The following ZNF84 variants were observed in gnomAD, a reference collection of about 807,000 sequenced individuals.
ZNF84 encodes zinc finger protein 84.
In ZNF84, 12 loss-of-function variants were observed where a neutral mutation model predicts 14.8. The ratio of observed to expected loss-of-function variants is 0.81; its 90% CI spans 0.52 to 1.31. The LOEUF (loss-of-function observed/expected upper bound fraction) is 1.31. ZNF84 is among the 50% of genes most tolerant of loss of function. The pLI is 0.00. For missense variants in ZNF84, 859 were observed against 878.6 expected (o/e 0.98, Z 0.28); for synonymous variants, 347 against 291.1 (o/e 1.19, Z -1.96).
intron 4 of ZNF84, among the ~76,000 whole-genome samples, chr12:133,056,695 G>C (rs1405717001): frequency 6.6e-6 from 1 of 152,044 alleles, no homozygotes; most frequent in Admixed American, 6.6e-5. Flanking sequence ...TGCTTTTCAT[G>C]TGTTTTTCAT....
chr12:133,057,224 C>G lies in ZNF84; in HGVS notation c.509C>G (p.Pro170Arg). Residue 170 changes from proline to arginine, a missense_variant, in exon 5 of 5, where the codon CCT becomes CGT. Physicochemically the swap from Pro to Arg is moderately radical, Grantham distance 103. Transcript: ENST00000539354. ...VFDNFFLHSK[P>R]EDTDTWLKYY... Reference sequence around the variant, plus strand: ...GATAATTTTTTTCTCCATTCCAAGCCTGAGGATACTGATACCTGGTTAAAA... The same window carrying G: ...GATAATTTTTTTCTCCATTCCAAGCGTGAGGATACTGATACCTGGTTAAAA... 4.3e-6 allele frequency: 7 copies of G among 1,613,636 alleles called. No homozygotes were observed. The South Asian group carries it at 7.7e-5, about 18-fold the overall frequency.
Position 133,058,710 on chromosome 12 carries a change from T to G in ZNF84, c.1995T>G (p.Ser665=). The G allele has an allele frequency of 1.2e-6, 2 of 1,613,676 alleles. No homozygotes were observed. Among genetic ancestry groups the G allele is most frequent in the Non-Finnish European group, 1.7e-6 (2 of 1,179,890 alleles). The change falls in exon 5 of 5, where the codon TCT becomes TCG. Residue 665 remains serine, a synonymous_variant. Transcript: ENST00000539354. ...GCAGTGAGTGTGGCAAAGCTTTCTC[T>G]CGGAAGTCACACCTTATACCACATC... ...FECSECGKAF[S]RKSHLIPHQR...
chr12:133,062,779 T>C lies in ZNF84; in HGVS notation c.*3847T>C, dbSNP rs1156389602. The C allele has an allele frequency of 8.8e-6, 3 of 339,324 alleles. No homozygotes were observed. The highest frequency in any genetic ancestry group is 1.1e-5 in the Non-Finnish European group (2 of 182,764). 21.0% of individuals were successfully genotyped at this position (339,324 alleles called of 1,614,324 possible). On this transcript the variant is annotated 3_prime_UTR_variant, in exon 5 of 5. Transcript: ENST00000539354. ...GGACTTTTGTATAAACCAATGCCTA[T>C]CTATCTATCATTTCTGAAAACTTTT...
chr12:133,062,516 G>T lies in ZNF84; in HGVS notation c.*3584G>T, dbSNP rs1954281736. ...TTCAGAGGTCTTATTAGTCTATACA[G>T]GTACCAATGAGCTTTCAGATGTTCA... On this transcript the variant is annotated 3_prime_UTR_variant, in exon 5 of 5. Transcript: ENST00000539354. 1 of 157,264 alleles carries T rather than the reference G, an allele frequency of 6.4e-6. No homozygotes were observed. Among genetic ancestry groups the T allele is most frequent in the Non-Finnish European group, 1.4e-5 (1 of 70,892 alleles). 9.7% of individuals were successfully genotyped at this position (157,264 alleles called of 1,614,324 possible).
At position 133,061,099 on chromosome 12, in the gene ZNF84, G is replaced by A. The variant is rs1404892397; in HGVS notation, c.*2167G>A. 3 of 152,134 alleles carry A rather than the reference G, an allele frequency of 2.0e-5. No homozygotes were observed. The highest frequency in any genetic ancestry group is 4.8e-5 in the African/African-American group (2 of 41,424). The allele number at this position is 152,134 out of a possible 1,614,324, so 9.4% of individuals were successfully genotyped here. A position where few individuals can be genotyped will look rare whatever the true frequency, so the allele number is the denominator to read the frequency against. On this transcript the variant is annotated 3_prime_UTR_variant, in exon 5 of 5. Coordinates refer to ENST00000539354, the MANE Select transcript of ZNF84 (RefSeq NM_001289971.2). ...TCTAAACCAGAATACCAGTTCAACA[G>A]CCAAATAATTCTGTCTTTCCATGCT...
At chr12:133,052,637 A>G (rs898267518) in intron 4 of ZNF84, among the ~76,000 whole-genome samples, 3 of 152,206 alleles carry the variant, frequency 2.0e-5, no homozygotes, top group South Asian at 4.1e-4. Flanking sequence ...GCCTGGCCTC[A>G]TATCTATTTT....
intron 2 of ZNF84, among the ~76,000 whole-genome samples, chr12:133,046,912 ATATAT>A (rs1379452678): frequency 1.7e-4 from 24 of 144,544 alleles, no homozygotes; most frequent in East Asian, 5.9e-4. Context: ...TATTTATATT[ATATAT>A]TATATTATTT....
At chr12:133,052,691 A>G (rs2137394633) in intron 4 of ZNF84, among the ~76,000 whole-genome samples, 1 of 152,274 alleles carries the variant, frequency 6.6e-6, no homozygotes, top group East Asian at 1.9e-4. Flanking sequence ...TACCCTTATG[A>G]CCTCATTTAA....
chr12:133,062,841 C>T lies in ZNF84; in HGVS notation c.*3909C>T. Reference sequence around the variant, plus strand: ...AATATTTTCTGGCCTCTGTGAACAACTTGTAGTTCCTTGAGATTTCTATTA... The same window carrying T: ...AATATTTTCTGGCCTCTGTGAACAATTTGTAGTTCCTTGAGATTTCTATTA... On this transcript the variant is annotated 3_prime_UTR_variant, in exon 5 of 5. Coordinates refer to ENST00000539354, the MANE Select transcript of ZNF84 (RefSeq NM_001289971.2). The T allele has an allele frequency of 6.2e-6, 3 of 487,678 alleles. No homozygotes were observed. The highest frequency in any genetic ancestry group is 6.6e-5 in the South Asian group (2 of 30,278). 30.2% of individuals were successfully genotyped at this position (487,678 alleles called of 1,614,324 possible).
chr12:133,042,948 G>T (rs756842020), intron 2 of ZNF84, among the ~76,000 whole-genome samples: 21 of 152,142 alleles, frequency 1.4e-4, no homozygotes, highest in African/African-American at 3.6e-4. Context: ...TCTTCCTCCT[G>T]ACAGAGGTAA....
In ZNF84 at chr12:133,058,057, T is replaced by A; in HGVS notation, c.1342T>A (p.Ser448Thr). 1 of 1,612,292 alleles carries A rather than the reference T, an allele frequency of 6.2e-7. No individual in the cohort carries two copies. Among genetic ancestry groups the A allele is most frequent in the Non-Finnish European group, 8.5e-7 (1 of 1,179,650 alleles). Reference protein sequence around the residue: ...KAFSQKSHLISHQMTHTGEKP... With the variant: ...KAFSQKSHLITHQMTHTGEKP... ...CTTCTCCCAGAAGTCACATCTCATA[T>A]CACATCAGATGACACACACAGGAGA... The change falls in exon 5 of 5, where the codon TCA (serine) becomes ACA (threonine). Residue 448 changes from serine to threonine, a missense_variant. Physicochemically the swap from Ser to Thr is moderately conservative, Grantham distance 58. Coordinates refer to ENST00000539354, the MANE Select transcript of ZNF84 (RefSeq NM_001289971.2).
At chr12:133,048,883 C>G (rs1593703900) in intron 4 of ZNF84, 35 bp downstream of exon 4, 1 of 1,551,866 alleles carries the variant, frequency 6.4e-7, no homozygotes, top group Non-Finnish European at 8.9e-7. Flanking sequence ...TGGGAGAGAG[C>G]AGAAGCCCCA....
rs1954265699 is a variant in ZNF84, at chr12:133,061,602, T to G, written c.*2670T>G. 1 of 152,254 alleles carries G rather than the reference T, an allele frequency of 6.6e-6. No individual in the cohort carries two copies. The highest frequency in any genetic ancestry group is 1.5e-5 in the Non-Finnish European group (1 of 68,038). The allele number at this position is 152,254 out of a possible 1,614,324, so 9.4% of individuals were successfully genotyped here. A position where few individuals can be genotyped will look rare whatever the true frequency, so the allele number is the denominator to read the frequency against. On this transcript the variant is annotated 3_prime_UTR_variant, in exon 5 of 5. Transcript: ENST00000539354. ...ATTTTTGCCCTATTTTTTCTTTCCA[T>G]CTATCACCATTCTCTTTCCAATCCC... is the stretch of plus-strand genomic sequence containing the variant.
intron 4 of ZNF84, among the ~76,000 whole-genome samples, chr12:133,050,336 T>C (rs1954050147): frequency 6.6e-6 from 1 of 152,162 alleles, no homozygotes; most frequent in African/African-American, 2.4e-5. Context: ...CATCTCTCAG[T>C]CCGGAGGTTT....
At position 133,058,993 on chromosome 12, in the gene ZNF84, T is replaced by C; in HGVS notation, c.*61T>C. On this transcript the variant is annotated 3_prime_UTR_variant, in exon 5 of 5. Transcript: ENST00000539354. ...TGGACTTCAGGAAATGCAATTATGA[T>C]AACGTTTGTAGACAGTCACGTCATG... 16 of 1,474,316 alleles carry C rather than the reference T, an allele frequency of 1.1e-5. 1 individual carries two copies. The South Asian group carries it at 2.0e-4, about 18-fold the overall frequency. The allele number at this position is 1,474,316 out of a possible 1,614,324, so 91.3% of individuals were successfully genotyped here. A position where few individuals can be genotyped will look rare whatever the true frequency, so the allele number is the denominator to read the frequency against.
intron 2 of ZNF84, among the ~76,000 whole-genome samples, chr12:133,046,841 TTTTATATTATATATATATGATA>T (rs1219471544): frequency 6.9e-6 from 1 of 144,750 alleles, no homozygotes; most frequent in Non-Finnish European, 1.5e-5. Flanking sequence ...TTTATATATA[TTTTATATTATATATATATGATA>T]TTTATATTAT....
chr12:133,057,145 C>T lies in ZNF84; in HGVS notation c.430C>T (p.Leu144Phe). 1 of 1,611,102 alleles carries T rather than the reference C, an allele frequency of 6.2e-7. No homozygotes were observed. The highest frequency in any genetic ancestry group is 8.5e-7 in the Non-Finnish European group (1 of 1,179,288). The stretch of plus-strand genomic sequence containing the variant: ...GATTTTAAAACATCATTTAGATTTG[C>T]TTATTCCAAAAGGAGATTATGGAAA... The part of the protein sequence containing the change: ...GLILKHHLDL[L>F]IPKGDYGKAE... Residue 144 changes from leucine (L) to phenylalanine (F), a missense_variant, in exon 5 of 5, where the codon CTT (leucine) becomes TTT (phenylalanine). Leu to Phe is a conservative substitution (Grantham distance 22). Coordinates refer to ENST00000539354, the MANE Select transcript of ZNF84 (RefSeq NM_001289971.2).
chr12:133,057,570 T>TA lies in ZNF84; in HGVS notation c.856dup (p.Thr286AsnfsTer7). On this transcript the variant is annotated frameshift_variant, in exon 5 of 5. Coordinates refer to ENST00000539354, the MANE Select transcript of ZNF84 (RefSeq NM_001289971.2). LOFTEE classifies it low-confidence loss of function (END_TRUNC). ...AGCTCACATCCCATCAGCGGACACA[T>TA]ACAGGAGAGAAACCTTATGAGTGTG... The TA allele has an allele frequency of 6.2e-7, 1 of 1,613,952 alleles. No homozygotes were observed. The highest frequency in any genetic ancestry group is 8.5e-7 in the Non-Finnish European group (1 of 1,179,986).
chr12:133,037,808 CAGCCTCGGGCGCGTTT>C (rs58341301), intron 1 of ZNF84: 70,813 of 151,684 alleles, frequency 0.47, 18,301 homozygotes, highest in East Asian at 0.77. Flanking sequence ...GTGGAGGCGC[CAGCCTCGGGCGCGTTT>C]AGCCTCGGGC....
Sources: gnomAD v4.1 joint callset for allele counts (sites outside exome capture counted in the v4.1 genomes callset) on GRCh38, gnomAD v4.1.1 for gene constraint, MANE v1.5 for transcripts, NCBI Gene and HGNC (gene_info 2026-07-23, HGNC 2026-07-21) for gene names.